GABRG2: variants seen among roughly 807,000 people sequenced by gnomAD.
GABRG2 encodes the protein gamma-aminobutyric acid type A receptor subunit gamma2.
In GABRG2, 16 loss-of-function variants were observed where a neutral mutation model predicts 56.4. The observed-to-expected ratio is 0.28, with a 90% CI of 0.19 to 0.43. The LOEUF is 0.43. Among genes scored for constraint, GABRG2 ranks in the 20% least tolerant of loss-of-function variants. The pLI is 1.00. For missense variants in GABRG2, 327 were observed against 582.7 expected (o/e 0.56, Z 4.52); for synonymous variants, 208 against 205.5 (o/e 1.01, Z -0.10).
intron 6 of GABRG2, among the ~76,000 whole-genome samples, chr5:162,130,241 A>G (rs1214495498): frequency 6.6e-6 from 1 of 151,958 alleles, no homozygotes; most frequent in Non-Finnish European, 1.5e-5. Context: ...CGAGTGCTTG[A>G]GAATAAAGAG....
At chr5:162,069,160 A>G (rs551487992) in intron 1 of GABRG2, among the ~76,000 whole-genome samples, 2 of 152,322 alleles carry the variant, frequency 1.3e-5, no homozygotes, top group African/African-American at 4.8e-5. Flanking sequence ...GCAACCATCC[A>G]TGCAGCCTAG....
At position 162,068,141 on chromosome 5, in the gene GABRG2, G is replaced by A. The variant is rs199857078; in HGVS notation, c.107+35G>A. 8.7e-6 allele frequency: 13 copies of A among 1,487,092 alleles called. No individual in the cohort carries two copies. The Admixed American group carries it at 1.3e-4, about 15-fold the overall frequency. 92.1% of individuals were successfully genotyped at this position (1,487,092 alleles called of 1,614,324 possible). ...GCCCTTTTTGGCGTCGTTTTGTTCT[G>A]AAGAGGTGGGGGGAAGGTGTGGGGA... On this transcript the variant is annotated intron_variant, in intron 1 of 9. Coordinates refer to ENST00000639213, the MANE Select transcript of GABRG2 (RefSeq NM_198904.4).
chr5:162,074,023 G>A (rs1275447294), intron 1 of GABRG2, among the ~76,000 whole-genome samples: 1 of 151,548 alleles, frequency 6.6e-6, no homozygotes, highest in South Asian at 2.1e-4. Context: ...AAAATACTTT[G>A]GTTGTTTAGA....
At chr5:162,142,738 G>A (rs375364962) in intron 7 of GABRG2, 12 of 310,108 alleles carry the variant, frequency 3.9e-5, no homozygotes, top group South Asian at 1.7e-4. Flanking sequence ...ATCACACACC[G>A]GGGCCTGTTG....
chr5:162,088,362 A>G (rs77470324), intron 1 of GABRG2, among the ~76,000 whole-genome samples: 1,921 of 152,276 alleles, frequency 0.013, 51 homozygotes, highest in African/African-American at 0.045. Flanking sequence ...ACATCCTTTA[A>G]ATTGAACTAG....
At chr5:162,134,077 C>A (rs1281864952) in intron 6 of GABRG2, among the ~76,000 whole-genome samples, 1 of 152,122 alleles carries the variant, frequency 6.6e-6, no homozygotes, top group Non-Finnish European at 1.5e-5. Flanking sequence ...AATTAGTCAG[C>A]TTTCCACATT....
intron 8 of GABRG2, chr5:162,149,814 A>G (rs1416265088): frequency 1.9e-5 from 7 of 359,646 alleles, no homozygotes; most frequent in Non-Finnish European, 3.8e-5. Context: ...GGGTTTCACC[A>G]TATTGGTCAG....
At chr5:162,149,549 C>G (rs1561661027) in intron 8 of GABRG2, 2 of 760,024 alleles carry the variant, frequency 2.6e-6, no homozygotes, top group South Asian at 2.7e-5. Context: ...TACCTGCTCT[C>G]TTTATTTTGT....
intron 9 of GABRG2, chr5:162,152,773 A>G (rs1581461893): frequency 1.7e-6 from 1 of 579,508 alleles, no homozygotes; most frequent in Non-Finnish European, 3.1e-6. Context: ...CCAATGTCAC[A>G]TCTAATACTT....
chr5:162,116,462 G>T (rs538798736), intron 6 of GABRG2, among the ~76,000 whole-genome samples: 24 of 151,720 alleles, frequency 1.6e-4, no homozygotes, highest in Non-Finnish European at 2.9e-4. Context: ...GGAAATAATA[G>T]AAGAGTAAAA....
chr5:162,142,931 A>G (rs1764693571), intron 7 of GABRG2: 2 of 152,072 alleles, frequency 1.3e-5, no homozygotes, highest in African/African-American at 4.8e-5. Context: ...TTACTTCTAT[A>G]GTTGGGTTCT....
chr5:162,127,138 T>C (rs145898645), intron 6 of GABRG2, among the ~76,000 whole-genome samples: 5 of 151,952 alleles, frequency 3.3e-5, no homozygotes, highest in African/African-American at 7.2e-5. Flanking sequence ...GAGATTAAGA[T>C]AGCAGGATTG....
At chr5:162,087,294 C>T (rs372217817) in intron 1 of GABRG2, among the ~76,000 whole-genome samples, 8 of 151,966 alleles carry the variant, frequency 5.3e-5, no homozygotes, top group Admixed American at 4.6e-4. Flanking sequence ...GAAGCTCATG[C>T]GCTTTTGGGG....
intron 1 of GABRG2, among the ~76,000 whole-genome samples, chr5:162,078,016 G>A (rs1049684132): frequency 3.3e-5 from 5 of 151,906 alleles, no homozygotes; most frequent in African/African-American, 9.7e-5. Context: ...ATACACCATC[G>A]CTTCTGTCAT....
chr5:162,102,458 T>G, intron 5 of GABRG2: 1 of 453,320 alleles, frequency 2.2e-6, no homozygotes, highest in South Asian at 1.6e-5. Flanking sequence ...TATTACTCAT[T>G]GCTATCAGAA....
intron 1 of GABRG2, among the ~76,000 whole-genome samples, chr5:162,088,168 G>A (rs561079626): frequency 6.6e-6 from 1 of 152,192 alleles, no homozygotes; most frequent in South Asian, 2.1e-4. Flanking sequence ...GCGCCCCAAT[G>A]GCCCCATCCA....
At chr5:162,124,957 GA>G (rs1763225585) in intron 6 of GABRG2, among the ~76,000 whole-genome samples, 1 of 120,446 alleles carries the variant, frequency 8.3e-6, no homozygotes, top group African/African-American at 3.7e-5. Flanking sequence ...GGTATAAAGA[GA>G]TGTGTGTGTG....
chr5:162,074,984 T>A (rs1379457704), intron 1 of GABRG2, among the ~76,000 whole-genome samples: 2 of 152,142 alleles, frequency 1.3e-5, no homozygotes, highest in African/African-American at 4.8e-5. Context: ...CCTCCCACTA[T>A]GGTAGGAGAT....
chr5:162,105,847 C>T (rs189806221), intron 6 of GABRG2, among the ~76,000 whole-genome samples: 5 of 115,854 alleles, frequency 4.3e-5, no homozygotes, highest in East Asian at 4.6e-4. Context: ...ACACACACCA[C>T]GTAAAATTAA....
Sources: gnomAD v4.1 joint callset for allele counts (sites outside exome capture counted in the v4.1 genomes callset) on GRCh38, gnomAD v4.1.1 for gene constraint, MANE v1.5 for transcripts, NCBI Gene and HGNC (gene_info 2026-07-23, HGNC 2026-07-21) for gene names.